TACC3: variants seen among roughly 807,000 people sequenced by gnomAD.
The protein encoded by TACC3 is transforming acidic coiled-coil containing protein 3.
In TACC3, 52 loss-of-function variants were observed where a neutral mutation model predicts 86.0. The ratio of observed to expected loss-of-function variants is 0.60; its 90% confidence interval spans 0.48 to 0.76. The LOEUF is 0.76. TACC3 is among the 30% of genes least tolerant of loss of function. The pLI, the probability that TACC3 is intolerant of heterozygous loss-of-function variation, is 0.00. For missense variants in TACC3, 1,120 were observed against 1,070.4 expected (o/e 1.05, Z -0.65); for synonymous variants, 512 against 430.0 (o/e 1.19, Z -2.36).
chr4:1,732,858 G>A (rs1383855230), intron 6 of TACC3, among the ~76,000 whole-genome samples: 2 of 152,154 alleles, frequency 1.3e-5, no homozygotes, highest in Non-Finnish European at 2.9e-5. Context: ...TGGATTTGCT[G>A]GTTTCTGCTT....
chr4:1,721,475 C>G (rs1684838233), upstream of TACC3: 1 of 152,134 alleles, frequency 6.6e-6, no homozygotes, highest in Non-Finnish European at 1.5e-5. Context: ...ATTGGCCGCG[C>G]GAAGGCAACC....
rs199872042 is a variant in TACC3, at chr4:1,735,843, G to A, written c.1748+9G>A. ...GCCACCGAGACCAGCAGGTATGTGC[G>A]CCGGCCCTCCCTCATGCATGAAGCC... On this transcript the variant is annotated intron_variant, in intron 8 of 15. Transcript: ENST00000313288. The surrounding 1 kb of genome is among the most constrained non-coding windows in gnomAD (Gnocchi z 4.2). The A allele has an allele frequency of 3.7e-4, 577 of 1,574,312 alleles. 2 individuals carry two copies. The African/African-American group carries it at 5.6e-3, about 15-fold the overall frequency.
At chr4:1,739,609 G>A in intron 10 of TACC3, 93 bp from the exon 11 acceptor site, 2 of 1,208,092 alleles carry the variant, frequency 1.7e-6, no homozygotes, top group Non-Finnish European at 2.4e-6. Context: ...TTGCTCCAGG[G>A]ACCTCGGGTG....
intron 10 of TACC3, among the ~76,000 whole-genome samples, chr4:1,738,711 CCTA>C (rs1348020273): frequency 6.6e-6 from 1 of 152,190 alleles, no homozygotes; most frequent in Non-Finnish European, 1.5e-5. Flanking sequence ...CACAGGTAGC[CCTA>C]CTGCTGTGTT....
intron 3 of TACC3, among the ~76,000 whole-genome samples, chr4:1,724,953 C>T (rs1193890928): frequency 2.7e-5 from 3 of 112,694 alleles, no homozygotes; most frequent in African/African-American, 3.9e-5. Flanking sequence ...TTTTTTTACA[C>T]GGAGTTTCAT....
rs377766812 is a variant in TACC3 at position 1,727,158 on chromosome 4, AG to A, written c.306-549del. 3.3e-5 allele frequency among the ~76,000 whole-genome samples: 5 copies of A among 151,564 alleles called. No individual in the cohort carries two copies. In the East Asian group the frequency reaches 5.8e-4, roughly 18 times the overall value. ...AAAAAAAAAACATAAAAATAAAGGA[AG>A]TGGTGGGAAATTGAGGAGCCCAGTC... On this transcript the variant is annotated intron_variant, in intron 3 of 15. Transcript: ENST00000313288.
At chr4:1,730,032 T>G (rs1577212226) in intron 4 of TACC3, among the ~76,000 whole-genome samples, 1 of 149,456 alleles carries the variant, frequency 6.7e-6, no homozygotes, top group East Asian at 1.9e-4. Flanking sequence ...TTTCCTAGGG[T>G]TATTTGTTTG....
At chr4:1,739,927 G>C (rs1405914549) in intron 11 of TACC3, 32 bp from the exon 12 acceptor site, 2 of 1,612,830 alleles carry the variant, frequency 1.2e-6, no homozygotes, top group African/African-American at 2.7e-5. Context: ...GGCACCCGAG[G>C]CAATGGCTGT....
chr4:1,739,601 G>T lies in TACC3; in HGVS notation c.1942-101G>T. 3.5e-6 allele frequency: 4 copies of T among 1,142,984 alleles called. 1 individual carries two copies. The South Asian group carries it at 5.7e-5, about 16-fold the overall frequency. 70.8% of individuals were successfully genotyped at this position (1,142,984 alleles called of 1,614,324 possible). On this transcript the variant is annotated intron_variant, in intron 10 of 15. Coordinates refer to ENST00000313288, the MANE Select transcript of TACC3 (RefSeq NM_006342.3). ...CATGGAACTGTGCCTCTGGGACATT[G>T]CTCCAGGGACCTCGGGTGCGGGCTG...
chr4:1,722,467 G>A (rs1297355587), intron 1 of TACC3, among the ~76,000 whole-genome samples: 1 of 152,158 alleles, frequency 6.6e-6, no homozygotes, highest in African/African-American at 2.4e-5. Context: ...AGAAGCCTGT[G>A]GTTTCCCTGC....
intron 4 of TACC3, among the ~76,000 whole-genome samples, chr4:1,729,120 G>A (rs1242005522): frequency 6.6e-6 from 1 of 152,170 alleles, no homozygotes; most frequent in Non-Finnish European, 1.5e-5. Flanking sequence ...ACTTGGGTGT[G>A]TAACTCCAAA....
chr4:1,744,604 C>T lies in TACC3; in HGVS notation c.2310C>T (p.His770=), dbSNP rs777517232. The T allele has an allele frequency of 7.6e-5, 123 of 1,613,156 alleles. 3 individuals carry two copies. In the Middle Eastern group the frequency reaches 8.3e-4, roughly 11 times the overall value. ...EGQRYQALKA[H]AEEKLQLANE... is the part of the protein sequence containing the mutation. The stretch of plus-strand genomic sequence containing the variant: ...AGAGGTACCAAGCCCTGAAGGCCCA[C>T]GCGGAGGAGAAGCTGCAGCTGTGAG... The change falls in exon 14 of 16, where the codon CAC becomes CAT. Residue 770 remains histidine (H), a synonymous_variant. Coordinates refer to ENST00000313288, the MANE Select transcript of TACC3 (RefSeq NM_006342.3).
At chr4:1,740,750 C>T (rs1718553771) in intron 12 of TACC3, 76 bp from the exon 13 acceptor site, 2 of 1,397,628 alleles carry the variant, frequency 1.4e-6, no homozygotes, top group East Asian at 4.6e-5. Context: ...TCCCTTGCCT[C>T]ATTCCTTGGG....
intron 10 of TACC3, chr4:1,738,038 C>G (rs1301440228): frequency 2.5e-6 from 1 of 398,122 alleles, no homozygotes; most frequent in Non-Finnish European, 4.9e-6. Context: ...TTTCCTCCCG[C>G]CCTCCCACGA....
Position 1,739,952 on chromosome 4 carries a change from C to A in TACC3, c.2019-7C>A. Reference sequence around the variant, plus strand: ...GCAATGGCTGTGTGTCTGTTCTCCTCCCACAGGAAGATCATGGACAGGTTC... The same window carrying A: ...GCAATGGCTGTGTGTCTGTTCTCCTACCACAGGAAGATCATGGACAGGTTC... On this transcript the variant is annotated splice_region_variant and splice_polypyrimidine_tract_variant and intron_variant, in intron 11 of 15. Transcript: ENST00000313288. The A allele has an allele frequency of 1.9e-6, 3 of 1,613,174 alleles. No individual in the cohort carries two copies. The highest frequency in any genetic ancestry group is 2.5e-6 in the Non-Finnish European group (3 of 1,180,014).
Position 1,735,458 on chromosome 4 carries a change from C to G in TACC3, c.1644+133C>G, listed in dbSNP as rs1718208292. 1 of 1,077,816 alleles carries G rather than the reference C, an allele frequency of 9.3e-7. No homozygotes were observed. The highest frequency in any genetic ancestry group is 1.4e-6 in the Non-Finnish European group (1 of 725,624). The allele number at this position is 1,077,816 out of a possible 1,614,324, so 66.8% of individuals were successfully genotyped here. A position where few individuals can be genotyped will look rare whatever the true frequency, so the allele number is the denominator to read the frequency against. Reference sequence around the variant, plus strand: ...ACACAGGCCCAGGCATTGTGGCGGGCTGTGAATCCAGGGCCCCTTCTGCAG... The same window carrying G: ...ACACAGGCCCAGGCATTGTGGCGGGGTGTGAATCCAGGGCCCCTTCTGCAG... On this transcript the variant is annotated intron_variant, in intron 7 of 15. Coordinates refer to ENST00000313288, the MANE Select transcript of TACC3 (RefSeq NM_006342.3). This position sits in a 1 kb window ranked among gnomAD's most constrained non-coding sequence, Gnocchi z 4.2.
Position 1,728,530 on chromosome 4 carries a change from G to A in TACC3, c.1128G>A (p.Lys376=), listed in dbSNP as rs774494660. The change falls in exon 4 of 16, where the codon AAG becomes AAA. Residue 376 remains lysine, a synonymous_variant. Coordinates refer to ENST00000313288, the MANE Select transcript of TACC3 (RefSeq NM_006342.3). ...GGAAAGCAGCAGTGAGGCAGCAAAAGGCCCCGCAGGAGGTGGAGGAGGACG... is the reference window on the plus strand; with the variant it reads ...GGAAAGCAGCAGTGAGGCAGCAAAAAGCCCCGCAGGAGGTGGAGGAGGACG... The part of the protein sequence containing the change: ...PLRKAAVRQQ[K]APQEVEEDDG... 6.2e-7 allele frequency: 1 copy of A among 1,614,008 alleles called. No homozygotes were observed. The highest frequency in any genetic ancestry group is 2.2e-5 in the East Asian group (1 of 44,890).
At chr4:1,737,738 G>T in intron 10 of TACC3, 36 bp downstream of exon 10, 1 of 1,535,548 alleles carries the variant, frequency 6.5e-7, no homozygotes, top group Non-Finnish European at 8.8e-7. Context: ...CACAGAACCT[G>T]CAGGCCGCTC....
In TACC3 at chr4:1,735,921, CTT is replaced by C; in HGVS notation, c.1748+88_1748+89del. 2.1e-6 allele frequency: 2 copies of C among 955,436 alleles called. No homozygotes were observed. Among genetic ancestry groups the C allele is most frequent in the South Asian group, 1.5e-5 (1 of 65,928 alleles). The allele number at this position is 955,436 out of a possible 1,614,324, so 59.2% of individuals were successfully genotyped here. A position where few individuals can be genotyped will look rare whatever the true frequency, so the allele number is the denominator to read the frequency against. Reference sequence around the variant, plus strand: ...CCTAGGTGTGCTGTCTGCACAGAGGCTTCTAGACCGGGGGGAGATGATCAGAA... The same window carrying C: ...CCTAGGTGTGCTGTCTGCACAGAGGCCTAGACCGGGGGGAGATGATCAGAA... On this transcript the variant is annotated intron_variant, in intron 8 of 15. Transcript: ENST00000313288. The surrounding 1 kb of genome is among the most constrained non-coding windows in gnomAD (Gnocchi z 4.2).
Sources: allele counts gnomAD v4.1 joint callset (sites outside exome capture counted in the v4.1 genomes callset), GRCh38; gene constraint gnomAD v4.1.1; non-coding constraint Gnocchi (gnomAD v3.1); transcripts MANE v1.5; gene names NCBI Gene and HGNC (gene_info 2026-07-23, HGNC 2026-07-21).